The following SHQ1 variants were observed in gnomAD, a reference collection of about 807,000 sequenced individuals.
The protein encoded by SHQ1 is protein SHQ1 homolog.
A neutral mutation model predicts 53.8 loss-of-function variants in SHQ1; 49 were observed. The ratio of observed to expected loss-of-function variants is 0.91; its 90% CI spans 0.72 to 1.16. SHQ1 has a LOEUF of 1.16. SHQ1 is among the 50% of genes most tolerant of loss of function. The probability of loss-of-function intolerance (pLI) is 0.00; values close to 1 mark genes in which losing one functional copy is unlikely to be tolerated. For synonymous variants in SHQ1, 243 were observed against 251.0 expected, an observed-to-expected ratio of 0.97 and a Z score of 0.30; for missense variants, 738 against 683.1, an observed-to-expected ratio of 1.08 and a Z score of -0.90.
chr3:72,802,062 T>C (rs1315311186), intron 9 of SHQ1, among the ~76,000 whole-genome samples: 4 of 152,246 alleles, frequency 2.6e-5, no homozygotes, highest in East Asian at 1.9e-4. Flanking sequence ...CAGGGATAAA[T>C]TGGAAGAAAA....
chr3:72,779,603 C>T (rs546057525), intron 10 of SHQ1, among the ~76,000 whole-genome samples: 1 of 152,290 alleles, frequency 6.6e-6, no homozygotes, highest in Admixed American at 6.5e-5. Context: ...GCAGAGAACC[C>T]TGCACACAGT....
intron 10 of SHQ1, 110 bp downstream of exon 10, chr3:72,792,806 A>AC: frequency 2.5e-6 from 2 of 802,528 alleles, no homozygotes; most frequent in Admixed American, 6.7e-5. Flanking sequence ...AAAAAAAAAA[A>AC]AAAAACACAA....
chr3:72,842,985 G>A (rs1708221771), intron 2 of SHQ1, among the ~76,000 whole-genome samples: 2 of 151,630 alleles, frequency 1.3e-5, no homozygotes, highest in African/African-American at 4.8e-5. Flanking sequence ...GCTGAGGCAG[G>A]ATAATCGCTT....
At chr3:72,834,550 C>A (rs1223578156) in intron 4 of SHQ1, among the ~76,000 whole-genome samples, 1 of 152,178 alleles carries the variant, frequency 6.6e-6, no homozygotes, top group African/African-American at 2.4e-5. Flanking sequence ...AAGTCGTCGT[C>A]ACTGGAACAT....
chr3:72,750,185 A>G lies in SHQ1; in HGVS notation c.*99T>C. The G allele has an allele frequency of 3.8e-6, 4 of 1,051,106 alleles. No individual in the cohort carries two copies. The highest frequency in any genetic ancestry group is 5.6e-6 in the Non-Finnish European group (4 of 717,056). The allele number at this position is 1,051,106 out of a possible 1,614,324, so 65.1% of individuals were successfully genotyped here. ...CACACAAATACAGTGGGCTGACTATATACTAAGAAAAATTACAAAGTGAAA... is the reference window on the plus strand; with the variant it reads ...CACACAAATACAGTGGGCTGACTATGTACTAAGAAAAATTACAAAGTGAAA... On this transcript the variant is annotated 3_prime_UTR_variant, in exon 11 of 11. Coordinates refer to ENST00000325599, the MANE Select transcript of SHQ1 (RefSeq NM_018130.3).
At chr3:72,742,355 A>G in the SHQ1 span, among the ~76,000 whole-genome samples, 3 of 151,970 alleles carry the variant, frequency 2.0e-5, no homozygotes, top group Non-Finnish European at 4.4e-5. Flanking sequence ...CTCGCTAATC[A>G]GATTTACATT....
At chr3:72,727,752 A>T in the SHQ1 span, among the ~76,000 whole-genome samples, 1 of 151,882 alleles carries the variant, frequency 6.6e-6, no homozygotes, top group South Asian at 2.1e-4. Context: ...TGAATCCAGA[A>T]GGACAGAAGT....
intron 10 of SHQ1, among the ~76,000 whole-genome samples, chr3:72,784,730 C>T (rs896933065): frequency 2.6e-5 from 4 of 152,178 alleles, no homozygotes; most frequent in African/African-American, 9.7e-5. Context: ...AGTAACTTCC[C>T]ATACCAATGT....
At chr3:72,796,657 C>G (rs1706633468) in intron 9 of SHQ1, among the ~76,000 whole-genome samples, 1 of 150,652 alleles carries the variant, frequency 6.6e-6, no homozygotes. Flanking sequence ...CCCATCTCTA[C>G]AACAATAAAA....
chr3:72,765,530 C>CATATATATATATATAT (rs10551107), intron 10 of SHQ1, among the ~76,000 whole-genome samples: 8 of 83,502 alleles, frequency 9.6e-5, no homozygotes, highest in African/African-American at 4.9e-4. Flanking sequence ...ATTCACATGA[C>CATATATATATATATAT]ATATATATAT....
At chr3:72,740,295 A>G in the SHQ1 span, among the ~76,000 whole-genome samples, 7 of 152,232 alleles carry the variant, frequency 4.6e-5, no homozygotes, top group South Asian at 1.2e-3. Context: ...AGGCTGGGAC[A>G]CAGATAATCT....
intron 10 of SHQ1, among the ~76,000 whole-genome samples, chr3:72,776,274 CA>C (rs1171412962): frequency 2.6e-5 from 4 of 152,160 alleles, no homozygotes; most frequent in Non-Finnish European, 5.9e-5. Flanking sequence ...ATGGTGGTCC[CA>C]TAAGAGTATA....
intron 5 of SHQ1, among the ~76,000 whole-genome samples, chr3:72,826,876 TC>T (rs1216151814): frequency 1.3e-5 from 2 of 152,206 alleles, no homozygotes; most frequent in Non-Finnish European, 2.9e-5. Flanking sequence ...TCAAAGATTA[TC>T]CCTACCAACT....
At chr3:72,780,919 T>C (rs919267227) in intron 10 of SHQ1, among the ~76,000 whole-genome samples, 30 of 152,198 alleles carry the variant, frequency 2.0e-4, no homozygotes, top group African/African-American at 6.8e-4. Flanking sequence ...TTCTCCTGCC[T>C]CAGCCTTCTG....
chr3:72,811,659 G>C (rs774897413), intron 9 of SHQ1, among the ~76,000 whole-genome samples: 1 of 152,078 alleles, frequency 6.6e-6, no homozygotes, highest in African/African-American at 2.4e-5. Flanking sequence ...TTTCAAACAT[G>C]ATTTTCTTCC....
At chr3:72,844,699 T>A (rs1708278770) in intron 1 of SHQ1, among the ~76,000 whole-genome samples, 1 of 152,214 alleles carries the variant, frequency 6.6e-6, no homozygotes, top group Non-Finnish European at 1.5e-5. Context: ...TTATCACTAT[T>A]GTTATAACAC....
Position 72,834,948 on chromosome 3 carries a change from G to A in SHQ1, c.487-2467C>T, listed in dbSNP as rs376925015. Among the ~76,000 whole-genome samples, 7 of 152,186 alleles carry A rather than the reference G, an allele frequency of 4.6e-5. No individual in the cohort carries two copies. The South Asian group carries it at 1.5e-3, about 32-fold the overall frequency. On this transcript the variant is annotated intron_variant, in intron 4 of 10. Transcript: ENST00000325599. ...GCACATTTATTATCTTACAGTTCTG[G>A]AAGTCAGAAGACCAAAATCAGTCTC...
At chr3:72,743,892 A>G in the SHQ1 span, among the ~76,000 whole-genome samples, 1 of 152,244 alleles carries the variant, frequency 6.6e-6, no homozygotes, top group Non-Finnish European at 1.5e-5. Flanking sequence ...TTTCTAGTCC[A>G]GAGCAATGAA....
At chr3:72,815,801 C>A (rs1172770360) in intron 7 of SHQ1, among the ~76,000 whole-genome samples, 1 of 152,104 alleles carries the variant, frequency 6.6e-6, no homozygotes, top group Non-Finnish European at 1.5e-5. Flanking sequence ...TTACCTGTGG[C>A]ACTTAAGAAG....
Sources: gnomAD v4.1 joint callset for allele counts (sites outside exome capture counted in the v4.1 genomes callset) on GRCh38, gnomAD v4.1.1 for gene constraint, MANE v1.5 for transcripts, NCBI Gene and HGNC (gene_info 2026-07-23, HGNC 2026-07-21) for gene names.